Variants in VIPAS39 observed in about 807,000 individuals in gnomAD.
VIPAS39 encodes spermatogenesis-defective protein 39 homolog.
A neutral mutation model predicts 84.7 loss-of-function variants in VIPAS39; 63 were observed. That is an observed-to-expected ratio of 0.74 (90% CI 0.61 to 0.92). VIPAS39 has a LOEUF of 0.92. Ranked by LOEUF, VIPAS39 falls within the 40% of genes least tolerant of loss-of-function variation. VIPAS39 has a pLI of 0.00. For missense variants in VIPAS39, 499 were observed against 604.5 expected (o/e 0.83, Z 1.83); for synonymous variants, 192 against 216.5 (o/e 0.89, Z 0.99).
In VIPAS39 at chr14:77,451,348, G is replaced by A. The variant is rs973661738; in HGVS notation, c.197-15C>T. On this transcript the variant is annotated splice_polypyrimidine_tract_variant and intron_variant, in intron 3 of 19. Transcript: ENST00000557658. ...CCATGAGATACCTGTGAGATAGTAAGAACTACATCAGCAATTCTCATCCAC... is the reference window on the plus strand; with the variant it reads ...CCATGAGATACCTGTGAGATAGTAAAAACTACATCAGCAATTCTCATCCAC... 5.6e-6 allele frequency: 9 copies of A among 1,613,976 alleles called. 1 individual carries two copies. The highest frequency in any genetic ancestry group is 5.0e-5 in the Admixed American group (3 of 59,994).
chr14:77,437,199 T>C (rs542161804), intron 12 of VIPAS39, among the ~76,000 whole-genome samples: 1 of 152,278 alleles, frequency 6.6e-6, no homozygotes, highest in South Asian at 2.1e-4. Context: ...TCTACACCTG[T>C]CTTGAAAGAT....
intron 17 of VIPAS39, among the ~76,000 whole-genome samples, 163 bp from the exon 18 acceptor site, chr14:77,429,258 A>G (rs1472564687): frequency 6.6e-6 from 1 of 152,198 alleles, no homozygotes; most frequent in African/African-American, 2.4e-5. Context: ...GAATGAGGTA[A>G]CGCTACACAG....
intron 5 of VIPAS39, 107 bp from the exon 6 acceptor site, chr14:77,449,464 TG>T: frequency 7.0e-7 from 1 of 1,437,028 alleles, no homozygotes; most frequent in Non-Finnish European, 9.7e-7. Flanking sequence ...GGGCTCCCAA[TG>T]TTAACTTTAT....
chr14:77,428,785 T>TC (rs1316102985), intron 18 of VIPAS39, among the ~76,000 whole-genome samples: 1 of 152,194 alleles, frequency 6.6e-6, no homozygotes, highest in Non-Finnish European at 1.5e-5. Context: ...CTATGAATTC[T>TC]CCAAGTACGA....
chr14:77,440,724 T>C (rs2078688552), intron 11 of VIPAS39, among the ~76,000 whole-genome samples: 1 of 152,152 alleles, frequency 6.6e-6, no homozygotes, highest in African/African-American at 2.4e-5. Context: ...TTGGCTTAGA[T>C]TTCTGGGTTC....
chr14:77,435,457 A>C, intron 13 of VIPAS39, 64 bp from the exon 14 acceptor site: 1 of 1,595,712 alleles, frequency 6.3e-7, no homozygotes, highest in Non-Finnish European at 8.5e-7. Flanking sequence ...AGGCAGGAGA[A>C]AAATCTTTTA....
intron 4 of VIPAS39, among the ~76,000 whole-genome samples, chr14:77,450,090 A>G (rs554907190): frequency 6.6e-6 from 1 of 152,232 alleles, no homozygotes; most frequent in South Asian, 2.1e-4. Context: ...GAGACTCTCT[A>G]CCCTTTAACC....
intron 11 of VIPAS39, among the ~76,000 whole-genome samples, chr14:77,439,582 T>C (rs552751893): frequency 9.9e-5 from 15 of 151,722 alleles, no homozygotes; most frequent in Admixed American, 2.6e-4. Context: ...AGGCTAGGAG[T>C]TCAAGACCAG....
intron 7 of VIPAS39, among the ~76,000 whole-genome samples, chr14:77,448,171 G>A (rs2078825716): frequency 6.6e-6 from 1 of 150,378 alleles, no homozygotes; most frequent in Non-Finnish European, 1.5e-5. Flanking sequence ...GGCCAGGATG[G>A]TCTTGATCTC....
chr14:77,435,129 GA>G lies in VIPAS39; in HGVS notation c.1047+129del. 3 of 1,466,654 alleles carry G rather than the reference GA, an allele frequency of 2.0e-6. No individual in the cohort carries two copies. The South Asian group carries it at 3.4e-5, about 17-fold the overall frequency. 90.9% of individuals were successfully genotyped at this position (1,466,654 alleles called of 1,614,324 possible). ...CCCTCTTACCCCTGGTGAGGGCCAG[GA>G]AAGCTTCCAGGTGGATTTCTGAGAA... On this transcript the variant is annotated intron_variant, in intron 14 of 19. Coordinates refer to ENST00000557658, the MANE Select transcript of VIPAS39 (RefSeq NM_001193315.2).
chr14:77,445,686 C>T (rs1273754774), intron 7 of VIPAS39, among the ~76,000 whole-genome samples: 1 of 152,058 alleles, frequency 6.6e-6, no homozygotes, highest in Non-Finnish European at 1.5e-5. Flanking sequence ...CGCATATAAT[C>T]CCAGCACTTT....
At chr14:77,443,927 G>C (rs2078743385) in intron 8 of VIPAS39, among the ~76,000 whole-genome samples, 1 of 149,942 alleles carries the variant, frequency 6.7e-6, no homozygotes, top group African/African-American at 2.5e-5. Context: ...TGTGGTCCCA[G>C]CTACTCGGGG....
At chr14:77,449,648 A>G (rs775762558) in intron 5 of VIPAS39, 66 bp downstream of exon 5, 1 of 1,598,274 alleles carries the variant, frequency 6.3e-7, no homozygotes, top group African/African-American at 1.3e-5. Context: ...CTGTCCCCAT[A>G]ACTCCCCAGA....
intron 17 of VIPAS39, 83 bp from the exon 18 acceptor site, chr14:77,429,178 G>T: frequency 8.0e-7 from 1 of 1,246,266 alleles, no homozygotes; most frequent in Admixed American, 1.8e-5. Context: ...AAGTCCTGAA[G>T]AAGGCAAAAG....
Position 77,429,699 on chromosome 14 carries a change from C to T in VIPAS39, c.1248G>A (p.Lys416=). The T allele has an allele frequency of 6.2e-7, 1 of 1,614,168 alleles. No individual in the cohort carries two copies. ...GFHRVVEILH[K]NNAPVQILQE... The stretch of plus-strand genomic sequence containing the variant: ...CCATTACCTGCACAGGGGCATTGTT[C>T]TTGTGCAAAATTTCGACAACCCGAT... Residue 416 remains lysine (K), a synonymous_variant, in exon 17 of 20, where the codon AAG becomes AAA. Transcript: ENST00000557658.
At chr14:77,435,786 G>A in intron 13 of VIPAS39, 58 bp downstream of exon 13, 1 of 1,567,886 alleles carries the variant, frequency 6.4e-7, no homozygotes, top group Admixed American at 1.7e-5. Flanking sequence ...TCTCCTAGAT[G>A]CTGAACGGCA....
chr14:77,429,320 C>T (rs1306293754), intron 17 of VIPAS39, among the ~76,000 whole-genome samples: 2 of 152,238 alleles, frequency 1.3e-5, no homozygotes, highest in East Asian at 1.9e-4. Context: ...TCCTGATCCT[C>T]GAGCCAGATA....
At chr14:77,445,926 G>A (rs1327037385) in intron 7 of VIPAS39, among the ~76,000 whole-genome samples, 1 of 146,190 alleles carries the variant, frequency 6.8e-6, no homozygotes, top group African/African-American at 2.5e-5. Flanking sequence ...GGCGACAGAA[G>A]GAGACTCCAT....
At chr14:77,433,714 T>C (rs2078560708) in intron 16 of VIPAS39, 128 bp downstream of exon 16, 4 of 804,872 alleles carry the variant, frequency 5.0e-6, no homozygotes, top group African/African-American at 1.7e-5. Flanking sequence ...CTTTCAACTT[T>C]TCTTTAGGTT....
Sources: gnomAD v4.1 joint callset for allele counts (sites outside exome capture counted in the v4.1 genomes callset) on GRCh38, gnomAD v4.1.1 for gene constraint, MANE v1.5 for transcripts, NCBI Gene and HGNC (gene_info 2026-07-23, HGNC 2026-07-21) for gene names.